RALGAPB: variants seen among roughly 807,000 people sequenced by gnomAD.
RALGAPB encodes Ral GTPase activating protein non-catalytic subunit beta.
RALGAPB carries 25 observed loss-of-function variants against 161.1 expected under a neutral mutation model. The ratio of observed to expected loss-of-function variants is 0.16; its 90% CI spans 0.11 to 0.22. RALGAPB has a LOEUF of 0.22. Ranked by LOEUF, RALGAPB falls within the 10% of genes least tolerant of loss-of-function variation. RALGAPB has a pLI of 1.00. For missense variants in RALGAPB, 1,391 were observed against 1,815.2 expected, an observed-to-expected ratio of 0.77 and a Z score of 4.25; for synonymous variants, 629 against 626.1, an observed-to-expected ratio of 1.00 and a Z score of -0.07.
chr20:38,526,185 A>G, intron 13 of RALGAPB, 143 bp downstream of exon 13: 3 of 953,518 alleles, frequency 3.1e-6, no homozygotes, highest in South Asian at 3.1e-5. Flanking sequence ...TAGTTTTTTA[A>G]TGTAAAAAAA....
intron 1 of RALGAPB, among the ~76,000 whole-genome samples, chr20:38,473,953 C>G (rs1332584628): frequency 2.0e-5 from 3 of 152,158 alleles, no homozygotes; most frequent in Admixed American, 1.3e-4. Context: ...CTTAAGTGTG[C>G]AGGAGAATTG....
At chr20:38,479,514 C>T (rs2084903124) in intron 1 of RALGAPB, among the ~76,000 whole-genome samples, 1 of 152,110 alleles carries the variant, frequency 6.6e-6, no homozygotes, top group Admixed American at 6.5e-5. Context: ...TGCGGTGGTG[C>T]TTACAAGCCA....
In RALGAPB at chr20:38,578,497, T is replaced by C. The variant is rs967313302; in HGVS notation, c.*3530T>C. 2.6e-5 allele frequency: 4 copies of C among 152,628 alleles called. No homozygotes were observed. Among genetic ancestry groups the C allele is most frequent in the Admixed American group, 6.5e-5 (1 of 15,280 alleles). The allele number at this position is 152,628 out of a possible 1,614,324, so 9.5% of individuals were successfully genotyped here. A position where few individuals can be genotyped will look rare whatever the true frequency, so the allele number is the denominator to read the frequency against. Reference sequence around the variant, plus strand: ...AAGTTTCCCAAGTCCTCATCTCTTATAGTGACCAAGACATCTTTCTCCTCT... The same window carrying C: ...AAGTTTCCCAAGTCCTCATCTCTTACAGTGACCAAGACATCTTTCTCCTCT... On this transcript the variant is annotated 3_prime_UTR_variant, in exon 30 of 30. Transcript: ENST00000262879.
intron 16 of RALGAPB, chr20:38,537,922 T>C (rs1279476363): frequency 6.6e-6 from 1 of 152,206 alleles, no homozygotes; most frequent in Admixed American, 6.5e-5. Context: ...GGATGCAGAG[T>C]GTTCTTGGTG....
intron 24 of RALGAPB, 122 bp downstream of exon 24, chr20:38,562,819 C>A: frequency 2.8e-6 from 3 of 1,079,554 alleles, no homozygotes; most frequent in Non-Finnish European, 3.8e-6. Flanking sequence ...GGTACAGTGG[C>A]GCATGCCTGT....
intron 28 of RALGAPB, among the ~76,000 whole-genome samples, chr20:38,572,061 T>C (rs1308009541): frequency 3.3e-5 from 5 of 152,196 alleles, no homozygotes; most frequent in Non-Finnish European, 7.3e-5. Flanking sequence ...AATTAAATAT[T>C]AATAAAGACC....
intron 6 of RALGAPB, among the ~76,000 whole-genome samples, chr20:38,511,375 C>T (rs1295587702): frequency 2.1e-5 from 3 of 145,712 alleles, no homozygotes; most frequent in African/African-American, 2.6e-5. Flanking sequence ...GGGTGTTTCT[C>T]GGAGAGGGGG....
At chr20:38,517,742 A>G (rs765950797) in intron 8 of RALGAPB, 42 bp from the exon 9 acceptor site, 4 of 1,604,894 alleles carry the variant, frequency 2.5e-6, no homozygotes, top group Non-Finnish European at 3.4e-6. Context: ...ATTTTCTCAG[A>G]CTTTTCATTG....
intron 1 of RALGAPB, among the ~76,000 whole-genome samples, chr20:38,484,636 A>G (rs762289289): frequency 3.9e-5 from 6 of 152,150 alleles, no homozygotes; most frequent in African/African-American, 7.2e-5. Flanking sequence ...TGTCTCTTCA[A>G]AAATTGGATT....
Position 38,553,377 on chromosome 20 carries a change from A to G in RALGAPB, c.3163-490A>G, listed in dbSNP as rs114031338. On this transcript the variant is annotated intron_variant, in intron 21 of 29. Coordinates refer to ENST00000262879, the MANE Select transcript of RALGAPB (RefSeq NM_020336.4). ...AAACACAGGGAGCACGTCAGGGTGA[A>G]GATGGACAGTGATCTGCAAGCGAGG... Among the ~76,000 whole-genome samples the G allele has an allele frequency of 9.2e-3, 1,406 of 152,284 alleles. 27 individuals are homozygous for G. The highest frequency in any genetic ancestry group is 0.032 in the African/African-American group (1,346 of 41,550).
chr20:38,546,632 T>G, intron 19 of RALGAPB: 1 of 608,794 alleles, frequency 1.6e-6, no homozygotes, highest in East Asian at 2.9e-5. Context: ...TAAAGGCTCT[T>G]GATGTGCATC....
intron 18 of RALGAPB, among the ~76,000 whole-genome samples, chr20:38,544,719 C>T (rs562276996): frequency 6.6e-5 from 10 of 152,278 alleles, no homozygotes; most frequent in South Asian, 4.1e-4. Flanking sequence ...CCATCCACCT[C>T]GGCCTCCCAA....
At chr20:38,499,016 T>C (rs1600862454) in intron 4 of RALGAPB, among the ~76,000 whole-genome samples, 1 of 152,260 alleles carries the variant, frequency 6.6e-6, no homozygotes, top group Admixed American at 6.5e-5. Flanking sequence ...AAAATGGGTA[T>C]AATTAGCAGT....
chr20:38,514,763 G>T (rs1348748071), intron 6 of RALGAPB, among the ~76,000 whole-genome samples: 2 of 152,126 alleles, frequency 1.3e-5, no homozygotes, highest in African/African-American at 4.8e-5. Flanking sequence ...TGCCCTTTAG[G>T]CCCCATCTGG....
chr20:38,539,928 G>C lies in RALGAPB; in HGVS notation c.2532G>C (p.Leu844=). 6.2e-7 allele frequency: 1 copy of C among 1,613,854 alleles called. No individual in the cohort carries two copies. The highest frequency in any genetic ancestry group is 8.5e-7 in the Non-Finnish European group (1 of 1,179,860). The change falls in exon 17 of 30, where the codon CTG becomes CTC. Residue 844 remains leucine (L), a synonymous_variant. Transcript: ENST00000262879. ...CTTTTCAGTGTCTCTGTGTCTGGCT[G>C]ACAGAGCACCCTGATATGCTTGATG... ...VAAFQCLCVW[L]TEHPDMLDEK... is the part of the protein sequence containing the mutation.
chr20:38,493,029 G>A lies in RALGAPB; in HGVS notation c.286G>A (p.Ala96Thr). ...TGATGTATATACAGACTGGATTATG[G>A]CTTTAGTGTTGCCAAAAGATTCTAT... ...CVDVYTDWIM[A>T]LVLPKDSIPL... Residue 96 changes from alanine to threonine, a missense_variant, in exon 3 of 30, where the codon GCT (alanine) becomes ACT (threonine). By Grantham distance (58) the Ala-to-Thr change is moderately conservative. This residue lies in a region of RALGAPB where 946 missense variants were observed against 1,257.2 expected (regional missense o/e 0.75). Coordinates refer to ENST00000262879, the MANE Select transcript of RALGAPB (RefSeq NM_020336.4). The A allele has an allele frequency of 6.2e-7, 1 of 1,611,220 alleles. No individual in the cohort carries two copies. The highest frequency in any genetic ancestry group is 8.5e-7 in the Non-Finnish European group (1 of 1,177,550).
chr20:38,481,001 G>A (rs2084951516), intron 1 of RALGAPB, among the ~76,000 whole-genome samples: 1 of 152,010 alleles, frequency 6.6e-6, no homozygotes, highest in African/African-American at 2.4e-5. Flanking sequence ...CTCCCAAAGT[G>A]CTGGGATTAC....
chr20:38,508,981 AC>A (rs1337811064), intron 5 of RALGAPB, 95 bp from the exon 6 acceptor site: 4 of 1,342,606 alleles, frequency 3.0e-6, no homozygotes, highest in Non-Finnish European at 4.2e-6. Flanking sequence ...TGTGAGGTAC[AC>A]ATGTTTCATC....
chr20:38,505,516 A>G (rs1248900657), intron 5 of RALGAPB, among the ~76,000 whole-genome samples: 1 of 152,214 alleles, frequency 6.6e-6, no homozygotes, highest in Non-Finnish European at 1.5e-5. Context: ...TACCCAGATA[A>G]CCTGCACATG....
Sources: allele counts gnomAD v4.1 joint callset (sites outside exome capture counted in the v4.1 genomes callset), GRCh38; gene constraint gnomAD v4.1.1; regional missense constraint gnomAD v4.1.1; transcripts MANE v1.5; gene names NCBI Gene and HGNC (gene_info 2026-07-23, HGNC 2026-07-21).